The following PLPPR5 variants were observed in gnomAD, a reference collection of about 807,000 sequenced individuals.
The protein encoded by PLPPR5 is phospholipid phosphatase related 5.
In PLPPR5, 16 loss-of-function variants were observed where a neutral mutation model predicts 33.9. The observed-to-expected ratio is 0.47, with a 90% CI of 0.32 to 0.72. The LOEUF is 0.72. Ranked by LOEUF, PLPPR5 falls within the 30% of genes least tolerant of loss-of-function variation. The probability of loss-of-function intolerance (pLI) is 0.03; values close to 1 mark genes in which losing one functional copy is unlikely to be tolerated. For missense variants in PLPPR5, 301 were observed against 406.7 expected, an observed-to-expected ratio of 0.74 and a Z score of 2.23; for synonymous variants, 163 against 150.3, an observed-to-expected ratio of 1.08 and a Z score of -0.62.
chr1:98,901,068 A>G (rs1255455581), intron 5 of PLPPR5, among the ~76,000 whole-genome samples: 1 of 152,186 alleles, frequency 6.6e-6, no homozygotes, highest in Non-Finnish European at 1.5e-5. Context: ...TTGCCAAAAA[A>G]TGGAAATAAC....
intron 3 of PLPPR5, among the ~76,000 whole-genome samples, chr1:98,927,784 C>T (rs115593988): frequency 6.6e-6 from 1 of 152,284 alleles, no homozygotes; most frequent in African/African-American, 2.4e-5. Flanking sequence ...TCAGCCCTTC[C>T]CTCTCCTCCA....
intron 1 of PLPPR5, among the ~76,000 whole-genome samples, chr1:98,969,584 A>G (rs1399008122): frequency 1.3e-5 from 2 of 152,014 alleles, no homozygotes; most frequent in East Asian, 1.9e-4. Flanking sequence ...TTCTTACAGT[A>G]TGGAAGACCT....
chr1:98,920,788 T>C (rs1233064422), intron 4 of PLPPR5, among the ~76,000 whole-genome samples: 1 of 152,158 alleles, frequency 6.6e-6, no homozygotes, highest in Admixed American at 6.6e-5. Flanking sequence ...TTAAGTTACA[T>C]GTAAGGGCAA....
At chr1:99,003,440 G>A (rs1320829764) in intron 1 of PLPPR5, among the ~76,000 whole-genome samples, 1 of 151,944 alleles carries the variant, frequency 6.6e-6, no homozygotes, top group Admixed American at 6.6e-5. Flanking sequence ...TTGAGGGAGA[G>A]AGAGAGCGCG....
At chr1:98,987,498 C>G (rs542830330) in intron 1 of PLPPR5, among the ~76,000 whole-genome samples, 4 of 151,906 alleles carry the variant, frequency 2.6e-5, no homozygotes, top group African/African-American at 9.6e-5. Context: ...TCATAGTGAA[C>G]TCAAATCAGA....
At chr1:98,966,387 C>T (rs1324794996) in intron 1 of PLPPR5, among the ~76,000 whole-genome samples, 2 of 152,150 alleles carry the variant, frequency 1.3e-5, no homozygotes, top group Non-Finnish European at 2.9e-5. Context: ...CTCATTTACA[C>T]TGTTCATGTA....
At chr1:98,990,629 A>G (rs1329787097) in intron 1 of PLPPR5, among the ~76,000 whole-genome samples, 1 of 152,184 alleles carries the variant, frequency 6.6e-6, no homozygotes. Context: ...CTTTGATTAA[A>G]CAAAAAATGA....
chr1:98,913,899 T>C (rs1188089832), intron 5 of PLPPR5, among the ~76,000 whole-genome samples: 1 of 152,194 alleles, frequency 6.6e-6, no homozygotes, highest in Non-Finnish European at 1.5e-5. Flanking sequence ...GTTTCTGTGC[T>C]CACTGCCATG....
At chr1:98,902,399 T>C (rs1284359445) in intron 5 of PLPPR5, among the ~76,000 whole-genome samples, 1 of 152,080 alleles carries the variant, frequency 6.6e-6, no homozygotes, top group African/African-American at 2.4e-5. Flanking sequence ...GATGACCCCA[T>C]AGATACTTCC....
chr1:98,908,815 C>G (rs908231593), intron 5 of PLPPR5, among the ~76,000 whole-genome samples: 4 of 152,052 alleles, frequency 2.6e-5, no homozygotes, highest in Non-Finnish European at 5.9e-5. Context: ...CAATTTGGCA[C>G]AGAAAAACCA....
intron 5 of PLPPR5, among the ~76,000 whole-genome samples, chr1:98,903,672 C>A (rs1053286670): frequency 1.3e-5 from 2 of 151,792 alleles, no homozygotes; most frequent in African/African-American, 2.4e-5. Flanking sequence ...ATGATTGTTG[C>A]GGGAGGGAAC....
At position 98,940,831 on chromosome 1, in the gene PLPPR5, G is replaced by A. The variant is rs760348435; in HGVS notation, c.621+12239C>T. 9.9e-4 allele frequency among the ~76,000 whole-genome samples: 150 copies of A among 151,916 alleles called. 3 individuals are homozygous for A. The highest frequency in any genetic ancestry group is 2.0e-3 in the Non-Finnish European group (136 of 67,948). On this transcript the variant is annotated intron_variant, in intron 3 of 5. Coordinates refer to ENST00000263177, the MANE Select transcript of PLPPR5 (RefSeq NM_001037317.2). ...AGAATTAATCAGACATCTGGATGCG[G>A]GGGTGTGGAAGAGGGAGGAGCTGAG...
chr1:98,966,277 A>G (rs1217209642), intron 1 of PLPPR5, among the ~76,000 whole-genome samples: 1 of 152,204 alleles, frequency 6.6e-6, no homozygotes, highest in African/African-American at 2.4e-5. Flanking sequence ...GATTTCAAGA[A>G]AAAATGAATG....
chr1:98,948,387 G>A (rs1650639690), intron 3 of PLPPR5, among the ~76,000 whole-genome samples: 1 of 152,126 alleles, frequency 6.6e-6, no homozygotes, highest in Admixed American at 6.6e-5. Flanking sequence ...GGGAGAGAGG[G>A]AATGATATTT....
chr1:98,933,188 C>CTT (rs113406292), intron 3 of PLPPR5, among the ~76,000 whole-genome samples: 66 of 137,454 alleles, frequency 4.8e-4, no homozygotes, highest in South Asian at 2.3e-3. Context: ...ATAGAGAGGG[C>CTT]TTTTTAAAAA....
upstream of PLPPR5, among the ~76,000 whole-genome samples, chr1:99,005,285 G>T (rs1290569930): frequency 2.0e-5 from 3 of 152,128 alleles, no homozygotes; most frequent in Non-Finnish European, 2.9e-5. Flanking sequence ...CGCGTCTTCC[G>T]AGCGCAAAGC....
At position 98,912,312 on chromosome 1, in the gene PLPPR5, A is replaced by T. The variant is rs569743641; in HGVS notation, c.933+2474T>A. Among the ~76,000 whole-genome samples the T allele has an allele frequency of 6.6e-5, 10 of 152,324 alleles. No individual in the cohort carries two copies. In the South Asian group the frequency reaches 2.1e-3, roughly 32 times the overall value. On this transcript the variant is annotated intron_variant, in intron 5 of 5. Coordinates refer to ENST00000263177, the MANE Select transcript of PLPPR5 (RefSeq NM_001037317.2). ...ATAATAGGATATTAGCTAAGTCACT[A>T]TAGAAAAGAAATTAGAACAATTCAA...
At chr1:98,999,210 C>T (rs143111056) in intron 1 of PLPPR5, among the ~76,000 whole-genome samples, 1 of 152,322 alleles carries the variant, frequency 6.6e-6, no homozygotes, top group African/African-American at 2.4e-5. Flanking sequence ...CCTGATTAAT[C>T]AACACAGCCT....
At chr1:98,896,608 A>C (rs1471886567) in intron 5 of PLPPR5, among the ~76,000 whole-genome samples, 1 of 152,086 alleles carries the variant, frequency 6.6e-6, no homozygotes, top group Non-Finnish European at 1.5e-5. Context: ...ATCCATTAGA[A>C]AGTGTTCACT....
Sources: allele counts gnomAD v4.1 joint callset (sites outside exome capture counted in the v4.1 genomes callset), GRCh38; gene constraint gnomAD v4.1.1; transcripts MANE v1.5; gene names NCBI Gene and HGNC (gene_info 2026-07-23, HGNC 2026-07-21).